SMPD4: variants seen among roughly 807,000 people sequenced by gnomAD.
SMPD4 encodes sphingomyelin phosphodiesterase 4.
In SMPD4, 58 loss-of-function variants were observed where a neutral mutation model predicts 97.8. The observed-to-expected ratio is 0.59, with a 90% CI of 0.48 to 0.74. SMPD4 has a LOEUF of 0.74. Among genes scored for constraint, SMPD4 ranks in the 30% least tolerant of loss-of-function variants. The probability of loss-of-function intolerance (pLI) is 0.00; values close to 1 mark genes in which losing one functional copy is unlikely to be tolerated. For missense variants in SMPD4, 853 were observed against 1,080.5 expected, an observed-to-expected ratio of 0.79 and a Z score of 2.95; for synonymous variants, 388 against 450.0, an observed-to-expected ratio of 0.86 and a Z score of 1.74.
rs1686815746 is a variant in SMPD4 at position 130,156,507 on chromosome 2, C to T, written c.1188+78G>A. ...CTCTGTGATAACACTTGCTCTCCTC[C>T]TTTATCTGCCCCAAAGGACCTCCCA... On this transcript the variant is annotated intron_variant, in intron 13 of 19. Coordinates refer to ENST00000680298, the MANE Select transcript of SMPD4 (RefSeq NM_017951.5). 120 of 1,404,248 alleles carry T rather than the reference C, an allele frequency of 8.5e-5. No individual in the cohort carries two copies. In the South Asian group the frequency reaches 1.5e-3, roughly 17 times the overall value. 87.0% of individuals were successfully genotyped at this position (1,404,248 alleles called of 1,614,324 possible).
At chr2:130,155,514 G>A (rs568731650) in intron 14 of SMPD4, among the ~76,000 whole-genome samples, 4 of 152,232 alleles carry the variant, frequency 2.6e-5, no homozygotes, top group African/African-American at 7.2e-5. Flanking sequence ...AGTGGATGGA[G>A]GCCACCATGG....
chr2:130,172,060 T>C (rs1047869822), intron 8 of SMPD4, among the ~76,000 whole-genome samples: 7 of 152,162 alleles, frequency 4.6e-5, no homozygotes, highest in African/African-American at 1.7e-4. Flanking sequence ...AGACACCGCC[T>C]GTGGGGACGG....
chr2:130,159,054 T>C (rs1687134811), intron 11 of SMPD4, among the ~76,000 whole-genome samples: 1 of 151,968 alleles, frequency 6.6e-6, no homozygotes, highest in African/African-American at 2.4e-5. Context: ...CGCTGTAGTG[T>C]CGTGGTCTCG....
Position 130,172,680 on chromosome 2 carries a change from G to A in SMPD4, c.455-3C>T. The A allele has an allele frequency of 6.2e-7, 1 of 1,614,238 alleles. No individual in the cohort carries two copies. The highest frequency in any genetic ancestry group is 8.5e-7 in the Non-Finnish European group (1 of 1,180,042). On this transcript the variant is annotated splice_region_variant and splice_polypyrimidine_tract_variant and intron_variant, in intron 6 of 19. Transcript: ENST00000680298. Reference sequence around the variant, plus strand: ...GAATATGTAATACTCGAACGGATCTGAGAGCAGCGTCAGGGGCAAACATGC... The same window carrying A: ...GAATATGTAATACTCGAACGGATCTAAGAGCAGCGTCAGGGGCAAACATGC...
intron 2 of SMPD4, among the ~76,000 whole-genome samples, chr2:130,175,661 G>A (rs1190164728): frequency 6.6e-6 from 1 of 152,242 alleles, no homozygotes; most frequent in Non-Finnish European, 1.5e-5. Context: ...GTCGTGGGAT[G>A]TGAGGAAAGC....
At chr2:130,177,250 T>C (rs1294253957) in intron 1 of SMPD4, among the ~76,000 whole-genome samples, 1 of 152,168 alleles carries the variant, frequency 6.6e-6, no homozygotes, top group Non-Finnish European at 1.5e-5. Flanking sequence ...CCAGCTAATT[T>C]TTGTACTTTT....
upstream of SMPD4, chr2:130,181,622 G>A (rs762375222): frequency 5.7e-6 from 9 of 1,582,452 alleles, no homozygotes; most frequent in African/African-American, 1.3e-5. Context: ...GCAGAGCCAC[G>A]CCCCGCGGCC....
chr2:130,157,685 G>A (rs1686955110), intron 11 of SMPD4: 6 of 498,670 alleles, frequency 1.2e-5, no homozygotes, highest in Non-Finnish European at 2.1e-5. Context: ...TCTGCAGAGG[G>A]CCTCCCAGCC....
At chr2:130,177,359 G>C (rs1213453378) in intron 1 of SMPD4, among the ~76,000 whole-genome samples, 1 of 152,088 alleles carries the variant, frequency 6.6e-6, no homozygotes, top group Non-Finnish European at 1.5e-5. Context: ...TGGGATTACA[G>C]GTGTGAGCCA....
chr2:130,155,059 T>C (rs1476365744), intron 15 of SMPD4, 37 bp downstream of exon 15: 6 of 1,610,414 alleles, frequency 3.7e-6, no homozygotes, highest in Non-Finnish European at 4.2e-6. Context: ...TCTGGCTGGG[T>C]TGACGTATAC....
chr2:130,158,205 G>A (rs1259025821), intron 11 of SMPD4: 1 of 1,288,212 alleles, frequency 7.8e-7, no homozygotes, highest in Admixed American at 2.3e-5. Context: ...CCTGGACACA[G>A]CCAGATGAGA....
chr2:130,169,695 A>G (rs1480547866), intron 8 of SMPD4, among the ~76,000 whole-genome samples: 1 of 152,056 alleles, frequency 6.6e-6, no homozygotes, highest in Non-Finnish European at 1.5e-5. Flanking sequence ...AGCTGGGACC[A>G]TAGTTGCACA....
intron 16 of SMPD4, 126 bp downstream of exon 16, chr2:130,154,151 G>A: frequency 3.2e-6 from 4 of 1,246,880 alleles, no homozygotes; most frequent in South Asian, 3.2e-5. Flanking sequence ...TAAAACGGGG[G>A]AAGGAGATAT....
intron 13 of SMPD4, 50 bp from the exon 14 acceptor site, chr2:130,156,185 C>A (rs193125137): frequency 1.3e-6 from 2 of 1,531,618 alleles, no homozygotes; most frequent in East Asian, 2.3e-5. Flanking sequence ...GCCAAATACT[C>A]GGTGGCCTGG....
intron 10 of SMPD4, among the ~76,000 whole-genome samples, chr2:130,163,124 C>T (rs1687587049): frequency 6.6e-6 from 1 of 152,224 alleles, no homozygotes; most frequent in African/African-American, 2.4e-5. Flanking sequence ...GGTGCAGTGG[C>T]CTCTGCCCCT....
At position 130,153,058 on chromosome 2, in the gene SMPD4, AGAC is replaced by A. The variant is rs1317630126; in HGVS notation, c.2136_2138del (p.Ser713del). On this transcript the variant is annotated inframe_deletion, in exon 19 of 20. Transcript: ENST00000680298. ...GCCCACTCACTCTGTGGTTGATGGC[AGAC>A]GACAGCCTAAAGAGTGTGCGGACCA... is the stretch of plus-strand genomic sequence containing the variant. 3.1e-6 allele frequency: 5 copies of A among 1,611,624 alleles called. No individual in the cohort carries two copies. In the Admixed American group the frequency reaches 8.4e-5, roughly 27 times the overall value.
chr2:130,167,309 C>T (rs1688030095), intron 9 of SMPD4, 149 bp downstream of exon 9: 2 of 1,029,676 alleles, frequency 1.9e-6, no homozygotes, highest in Non-Finnish European at 2.8e-6. Flanking sequence ...TTAGTAGAGA[C>T]GTGGTTTCAC....
In SMPD4 at chr2:130,170,458, C is replaced by CAAAAAAAAAAAAAAAAAAA. The variant is rs556058599; in HGVS notation, c.659+1890_659+1891insTTTTTTTTTTTTTTTTTTT. On this transcript the variant is annotated intron_variant, in intron 8 of 19. Coordinates refer to ENST00000680298, the MANE Select transcript of SMPD4 (RefSeq NM_017951.5). Reference sequence around the variant, plus strand: ...CCTGGGCAACAGAGTAAGACCCTGTCAAAAAAAAAAAAAAAAGCACACAAT... The same window carrying CAAAAAAAAAAAAAAAAAAA: ...CCTGGGCAACAGAGTAAGACCCTGTCAAAAAAAAAAAAAAAAAAAAAAAAAAAAAAAAAAAGCACACAAT... 1.7e-3 allele frequency among the ~76,000 whole-genome samples: 112 copies of CAAAAAAAAAAAAAAAAAAA among 64,524 alleles called. 1 individual carries two copies. The highest frequency in any genetic ancestry group is 0.021 in the Middle Eastern group (2 of 94). 42.3% of individuals were successfully genotyped at this position (64,524 alleles called of 152,430 possible). A position where few individuals can be genotyped will look rare whatever the true frequency, so the allele number is the denominator to read the frequency against.
intron 9 of SMPD4, among the ~76,000 whole-genome samples, chr2:130,166,308 C>CAAAA (rs56226182): frequency 3.3e-5 from 2 of 60,896 alleles, no homozygotes; most frequent in African/African-American, 6.2e-5. Context: ...GACTCCATCT[C>CAAAA]AAAAAAAAAA....
Sources: allele counts gnomAD v4.1 joint callset (sites outside exome capture counted in the v4.1 genomes callset), GRCh38; gene constraint gnomAD v4.1.1; transcripts MANE v1.5; gene names NCBI Gene and HGNC (gene_info 2026-07-23, HGNC 2026-07-21).